Variants in FEM1C observed in about 807,000 individuals in gnomAD.
FEM1C encodes the protein protein fem-1 homolog C.
FEM1C carries 15 observed loss-of-function variants against 37.6 expected under a neutral mutation model. That is an observed-to-expected ratio of 0.40 (90% confidence interval 0.27 to 0.61). The LOEUF is 0.61. Among genes scored for constraint, FEM1C ranks in the 20% least tolerant of loss-of-function variants. The probability of loss-of-function intolerance (pLI) is 0.42; values close to 1 mark genes in which losing one functional copy is unlikely to be tolerated. For missense variants in FEM1C, 532 were observed against 749.7 expected, an observed-to-expected ratio of 0.71 and a Z score of 3.39; for synonymous variants, 287 against 272.8, an observed-to-expected ratio of 1.05 and a Z score of -0.51.
chr5:115,532,573 T>C (rs1754039368), intron 2 of FEM1C, among the ~76,000 whole-genome samples: 1 of 152,072 alleles, frequency 6.6e-6, no homozygotes. Flanking sequence ...AAAGCAATTA[T>C]AACTTTTGTG....
chr5:115,533,118 C>G (rs1403262508), intron 2 of FEM1C, among the ~76,000 whole-genome samples: 1 of 151,994 alleles, frequency 6.6e-6, no homozygotes, highest in Non-Finnish European at 1.5e-5. Flanking sequence ...TAATAGACAT[C>G]TTCAATTCAC....
chr5:115,543,698 A>T lies in FEM1C; in HGVS notation c.-190-15T>A, dbSNP rs1308822417. The T allele has an allele frequency of 1.1e-5, 15 of 1,348,736 alleles. No homozygotes were observed. Among genetic ancestry groups the T allele is most frequent in the Non-Finnish European group, 1.4e-5 (15 of 1,056,106 alleles). 83.5% of individuals were successfully genotyped at this position (1,348,736 alleles called of 1,614,324 possible). A position where few individuals can be genotyped will look rare whatever the true frequency, so the allele number is the denominator to read the frequency against. On this transcript the variant is annotated splice_polypyrimidine_tract_variant and intron_variant, in intron 1 of 2. Transcript: ENST00000274457. ...AGGGCACCAAACTAGAGAAAGAAAA[A>T]AAAAGTAGCAGCATTTAATTTTCTA...
chr5:115,531,564 C>T (rs1481321727), intron 2 of FEM1C, among the ~76,000 whole-genome samples: 1 of 152,016 alleles, frequency 6.6e-6, no homozygotes, highest in Non-Finnish European at 1.5e-5. Flanking sequence ...CAAACTTTTC[C>T]GGTAAAAGGC....
intron 2 of FEM1C, among the ~76,000 whole-genome samples, chr5:115,528,602 A>G (rs1753954450): frequency 6.6e-6 from 1 of 152,200 alleles, no homozygotes; most frequent in South Asian, 2.1e-4. Context: ...ATACAGAATT[A>G]AAAGCCAGAA....
chr5:115,535,584 AAAG>A (rs749270892), intron 2 of FEM1C, among the ~76,000 whole-genome samples: 4 of 151,972 alleles, frequency 2.6e-5, no homozygotes, highest in Non-Finnish European at 5.9e-5. Flanking sequence ...CTATATTAAA[AAAG>A]AAGAAGAAGA....
intron 2 of FEM1C, among the ~76,000 whole-genome samples, chr5:115,535,528 T>A (rs1284868928): frequency 6.6e-6 from 1 of 151,852 alleles, no homozygotes; most frequent in African/African-American, 2.4e-5. Flanking sequence ...TGGAGAAATA[T>A]AAATCAAAAT....
chr5:115,527,655 T>C (rs1292213760), intron 2 of FEM1C, among the ~76,000 whole-genome samples: 3 of 152,058 alleles, frequency 2.0e-5, no homozygotes, highest in Non-Finnish European at 2.9e-5. Context: ...TATAAAGAAA[T>C]GGCTTAGATG....
At position 115,523,712 on chromosome 5, in the gene FEM1C, T is replaced by C. The variant is rs980654713; in HGVS notation, c.*596A>G. The C allele has an allele frequency of 6.6e-6, 1 of 152,478 alleles. No individual in the cohort carries two copies. The highest frequency in any genetic ancestry group is 2.1e-4 in the South Asian group (1 of 4,832). The allele number at this position is 152,478 out of a possible 1,614,324, so 9.4% of individuals were successfully genotyped here. On this transcript the variant is annotated 3_prime_UTR_variant, in exon 3 of 3. Transcript: ENST00000274457. Reference sequence around the variant, plus strand: ...AAACATAAGAAAACAGTGTTTTGAGTTGAAGTTGACCAACTGCTGCATAGA... The same window carrying C: ...AAACATAAGAAAACAGTGTTTTGAGCTGAAGTTGACCAACTGCTGCATAGA...
chr5:115,528,467 G>T (rs572752509), intron 2 of FEM1C, among the ~76,000 whole-genome samples: 7 of 152,114 alleles, frequency 4.6e-5, no homozygotes, highest in African/African-American at 1.7e-4. Context: ...CCACACTTTG[G>T]GTTAAACCTC....
chr5:115,525,673 G>T, intron 2 of FEM1C, 56 bp from the exon 3 acceptor site: 1 of 1,306,194 alleles, frequency 7.7e-7, no homozygotes, highest in Non-Finnish European at 1.1e-6. Flanking sequence ...AAAATATAAT[G>T]TAATATATAT....
In FEM1C at chr5:115,521,535, C is replaced by T. The variant is rs894020983; in HGVS notation, c.*2773G>A. 4.0e-5 allele frequency: 6 copies of T among 151,702 alleles called. No individual in the cohort carries two copies. The highest frequency in any genetic ancestry group is 1.5e-4 in the African/African-American group (6 of 41,360). The allele number at this position is 151,702 out of a possible 1,614,324, so 9.4% of individuals were successfully genotyped here. A position where few individuals can be genotyped will look rare whatever the true frequency, so the allele number is the denominator to read the frequency against. The stretch of plus-strand genomic sequence containing the variant: ...CATTTGTCTTTATAAAGTAGACTGG[C>T]ATCTAAGTAAAATGACCATTTCTTT... On this transcript the variant is annotated 3_prime_UTR_variant, in exon 3 of 3. Transcript: ENST00000274457.
rs531234579 is a variant in FEM1C at position 115,527,731 on chromosome 5, G to A, written c.545-2114C>T. On this transcript the variant is annotated intron_variant, in intron 2 of 2. Transcript: ENST00000274457. ...AATGTAGCAAAAGCTGGCCAGGCGCGGTAGCTCACGCCTGTAATCCCAGCA... is the reference window on the plus strand; with the variant it reads ...AATGTAGCAAAAGCTGGCCAGGCGCAGTAGCTCACGCCTGTAATCCCAGCA... Among the ~76,000 whole-genome samples, 6 of 152,162 alleles carry A rather than the reference G, an allele frequency of 3.9e-5. No individual in the cohort carries two copies. In the South Asian group the frequency reaches 6.2e-4, roughly 16 times the overall value.
chr5:115,528,071 T>C (rs1390145987), intron 2 of FEM1C, among the ~76,000 whole-genome samples: 1 of 123,292 alleles, frequency 8.1e-6, no homozygotes, highest in Non-Finnish European at 1.7e-5. Flanking sequence ...ATCGAAAAAA[T>C]ACAAAATATA....
intron 1 of FEM1C, chr5:115,544,260 C>T (rs531753784): frequency 2.5e-6 from 2 of 813,186 alleles, no homozygotes; most frequent in African/African-American, 3.7e-5. Context: ...TTCGATCACC[C>T]CCCACCCCCC....
chr5:115,543,103 T>C lies in FEM1C; in HGVS notation c.391A>G (p.Ile131Val). Residue 131 changes from isoleucine to valine, a missense_variant, in exon 2 of 3, where the codon ATA (isoleucine) becomes GTA (valine). By Grantham distance (29) the Ile-to-Val change is conservative. This residue lies in a region of FEM1C where 221 missense variants were observed against 404.1 expected (regional missense o/e 0.55). Coordinates refer to ENST00000274457, the MANE Select transcript of FEM1C (RefSeq NM_020177.3). The part of the protein sequence containing the change: ...RAACFDGHLE[I>V]VKYLVEHKAD... ...TTGTGTTCTACAAGGTACTTCACTA[T>C]TTCCAAATGGCCATCGAAACACGCA... 6.2e-7 allele frequency: 1 copy of C among 1,614,254 alleles called. No individual in the cohort carries two copies. Among genetic ancestry groups the C allele is most frequent in the Non-Finnish European group, 8.5e-7 (1 of 1,180,044 alleles).
rs1753807333 is a variant in FEM1C, at chr5:115,522,979, AAGAG to A, written c.*1325_*1328del. On this transcript the variant is annotated 3_prime_UTR_variant, in exon 3 of 3. Transcript: ENST00000274457. ...AGAGAGAGAAAGAGAAAGAGAAAGA[AAGAG>A]TGAGAGAAAGAAAGGAAGAAAGAGA... 6.6e-6 allele frequency: 1 copy of A among 152,022 alleles called. No individual in the cohort carries two copies. Among genetic ancestry groups the A allele is most frequent in the Admixed American group, 6.6e-5 (1 of 15,194 alleles). 9.4% of individuals were successfully genotyped at this position (152,022 alleles called of 1,614,324 possible). A position where few individuals can be genotyped will look rare whatever the true frequency, so the allele number is the denominator to read the frequency against.
intron 2 of FEM1C, among the ~76,000 whole-genome samples, chr5:115,532,219 C>T (rs936807027): frequency 1.3e-5 from 2 of 152,026 alleles, no homozygotes; most frequent in African/African-American, 2.4e-5. Flanking sequence ...AATGCTACTG[C>T]TTCACAAATA....
At chr5:115,537,487 T>G (rs776217302) in intron 2 of FEM1C, among the ~76,000 whole-genome samples, 9 of 151,936 alleles carry the variant, frequency 5.9e-5, no homozygotes, top group Admixed American at 5.9e-4. Flanking sequence ...AAGGACCACA[T>G]GGATATTTCC....
chr5:115,533,799 C>T (rs1754064810), intron 2 of FEM1C, among the ~76,000 whole-genome samples: 2 of 150,634 alleles, frequency 1.3e-5, no homozygotes, highest in Admixed American at 1.3e-4. Flanking sequence ...TAAGGATATG[C>T]AGCAATGAAA....
Sources: allele counts gnomAD v4.1 joint callset (sites outside exome capture counted in the v4.1 genomes callset), GRCh38; gene constraint gnomAD v4.1.1; regional missense constraint gnomAD v4.1.1; transcripts MANE v1.5; gene names NCBI Gene and HGNC (gene_info 2026-07-23, HGNC 2026-07-21).